Variants in CDKAL1 observed in about 807,000 individuals in gnomAD.
CDKAL1 encodes the protein CDKAL1 threonylcarbamoyladenosine tRNA methylthiotransferase, also known as threonylcarbamoyladenosine tRNA methylthiotransferase.
In CDKAL1, 32 loss-of-function variants were observed where a neutral mutation model predicts 68.2. The observed-to-expected ratio is 0.47, with a 90% CI of 0.35 to 0.63. The LOEUF (loss-of-function observed/expected upper bound fraction) is 0.63. Ranked by LOEUF, CDKAL1 falls within the 30% of genes least tolerant of loss-of-function variation. The pLI, the probability that CDKAL1 is intolerant of heterozygous loss-of-function variation, is 0.00. For synonymous variants in CDKAL1, 234 were observed against 244.3 expected, an observed-to-expected ratio of 0.96 and a Z score of 0.39; for missense variants, 606 against 696.7, an observed-to-expected ratio of 0.87 and a Z score of 1.47.
At chr6:20,595,450 C>A (rs1039413037) in intron 4 of CDKAL1, among the ~76,000 whole-genome samples, 1 of 151,840 alleles carries the variant, frequency 6.6e-6, no homozygotes, top group Non-Finnish European at 1.5e-5. Context: ...TCCTTTCTTC[C>A]GCTTGATCCG....
intron 8 of CDKAL1, among the ~76,000 whole-genome samples, chr6:20,797,261 A>G (rs547054169): frequency 2.6e-5 from 4 of 152,214 alleles, no homozygotes; most frequent in Non-Finnish European, 5.9e-5. Context: ...AACTAAGCAC[A>G]TGTAAAGTTT....
At chr6:20,800,733 C>T (rs896993349) in intron 8 of CDKAL1, 4 of 152,304 alleles carry the variant, frequency 2.6e-5, no homozygotes, top group Non-Finnish European at 5.9e-5. Context: ...AATAATCCTC[C>T]CACCTCAGCC....
At chr6:21,134,280 G>C (rs1438141754) in intron 13 of CDKAL1, among the ~76,000 whole-genome samples, 1 of 152,198 alleles carries the variant, frequency 6.6e-6, no homozygotes, top group African/African-American at 2.4e-5. Context: ...ATTTAAGAGA[G>C]ATTTAGTGTG....
intron 13 of CDKAL1, among the ~76,000 whole-genome samples, chr6:21,161,895 C>G (rs1013387976): frequency 7.2e-5 from 11 of 152,180 alleles, no homozygotes; most frequent in African/African-American, 2.4e-4. Flanking sequence ...AGAAGTTAAA[C>G]TGTGGTGCAA....
At chr6:20,822,216 A>G (rs1777314920) in intron 8 of CDKAL1, among the ~76,000 whole-genome samples, 1 of 152,220 alleles carries the variant, frequency 6.6e-6, no homozygotes, top group Non-Finnish European at 1.5e-5. Flanking sequence ...AGTATAGATC[A>G]TAATGCCATT....
At chr6:20,973,827 A>G (rs145643762) in intron 10 of CDKAL1, among the ~76,000 whole-genome samples, 2,926 of 151,548 alleles carry the variant, frequency 0.019, 91 homozygotes, top group African/African-American at 0.067. Context: ...CTAGTCTCGA[A>G]CTCCTGGGCT....
chr6:20,648,849 TA>T (rs1339643879), intron 4 of CDKAL1, among the ~76,000 whole-genome samples: 1 of 152,214 alleles, frequency 6.6e-6, no homozygotes, highest in Non-Finnish European at 1.5e-5. Context: ...CACTTTGAGG[TA>T]AATCATTAAT....
At chr6:20,990,218 G>A (rs1405729554) in intron 10 of CDKAL1, among the ~76,000 whole-genome samples, 1 of 152,090 alleles carries the variant, frequency 6.6e-6, no homozygotes, top group Non-Finnish European at 1.5e-5. Flanking sequence ...ACTCCAACCT[G>A]GGCAAGAGAG....
intron 5 of CDKAL1, among the ~76,000 whole-genome samples, chr6:20,718,254 C>T (rs1772186276): frequency 6.6e-6 from 1 of 152,142 alleles, no homozygotes; most frequent in Admixed American, 6.6e-5. Context: ...AGTAATACTT[C>T]CCACTCATGG....
At chr6:21,160,671 G>GGGTGTC (rs1776883587) in intron 13 of CDKAL1, among the ~76,000 whole-genome samples, 1 of 135,178 alleles carries the variant, frequency 7.4e-6, no homozygotes, top group African/African-American at 2.7e-5. Context: ...GTGTGTGTGT[G>GGGTGTC]TGTGTGTCTG....
rs1776113091 is a variant in CDKAL1 at position 21,145,296 on chromosome 6, G to A, written c.1299+36833G>A. The stretch of plus-strand genomic sequence containing the variant: ...TAAAGTAAATGTCTTCATTTGCTGA[G>A]CTGATCTTTTCACATTTAGAATAAA... On this transcript the variant is annotated intron_variant, in intron 13 of 15. Coordinates refer to ENST00000274695, the MANE Select transcript of CDKAL1 (RefSeq NM_017774.3). Among the ~76,000 whole-genome samples the A allele has an allele frequency of 2.0e-5, 3 of 152,180 alleles. No individual in the cohort carries two copies. In the South Asian group the frequency reaches 6.2e-4, roughly 31 times the overall value.
intron 4 of CDKAL1, among the ~76,000 whole-genome samples, chr6:20,642,194 A>G (rs995539809): frequency 1.3e-5 from 2 of 152,156 alleles, no homozygotes; most frequent in African/African-American, 4.8e-5. Flanking sequence ...TTACTTAGTA[A>G]TTTGGGAATA....
chr6:20,780,092 C>G (rs1581565389), intron 7 of CDKAL1, among the ~76,000 whole-genome samples: 1 of 136,882 alleles, frequency 7.3e-6, no homozygotes, highest in African/African-American at 2.8e-5. Context: ...CTTAAAAAAC[C>G]TAACCTTAAA....
chr6:20,982,527 G>C (rs1339680607), intron 10 of CDKAL1, among the ~76,000 whole-genome samples: 1 of 151,246 alleles, frequency 6.6e-6, no homozygotes, highest in Admixed American at 6.6e-5. Context: ...GAAACACAAA[G>C]AGAGCACTGC....
chr6:20,689,367 C>T (rs975798185), intron 5 of CDKAL1, among the ~76,000 whole-genome samples: 1 of 152,212 alleles, frequency 6.6e-6, no homozygotes, highest in East Asian at 1.9e-4. Context: ...CCCTAACACT[C>T]GTTCCCGTGG....
intron 9 of CDKAL1, among the ~76,000 whole-genome samples, chr6:20,861,132 G>A (rs1759602841): frequency 6.6e-6 from 1 of 152,102 alleles, no homozygotes; most frequent in Non-Finnish European, 1.5e-5. Context: ...ACATGGGCCT[G>A]TGCACCTGAT....
intron 13 of CDKAL1, among the ~76,000 whole-genome samples, chr6:21,112,140 C>T (rs1012877981): frequency 1.3e-5 from 2 of 151,986 alleles, no homozygotes; most frequent in African/African-American, 4.8e-5. Flanking sequence ...TTATTAAAAC[C>T]ATGCAAATTA....
chr6:20,627,210 C>G (rs4515379), intron 4 of CDKAL1, among the ~76,000 whole-genome samples: 28,911 of 151,896 alleles, frequency 0.19, 2,877 homozygotes, highest in East Asian at 0.37. Context: ...GCTTGTTGTC[C>G]TCTGGTGACC....
At chr6:20,607,612 T>A (rs1197124885) in intron 4 of CDKAL1, among the ~76,000 whole-genome samples, 1 of 152,184 alleles carries the variant, frequency 6.6e-6, no homozygotes, top group African/African-American at 2.4e-5. Context: ...TCAGTTCCTC[T>A]ATTTATTTAT....
Sources: allele counts gnomAD v4.1 joint callset (sites outside exome capture counted in the v4.1 genomes callset), GRCh38; gene constraint gnomAD v4.1.1; transcripts MANE v1.5; gene names NCBI Gene and HGNC (gene_info 2026-07-23, HGNC 2026-07-21).